Variants in PSMD11 observed in about 807,000 individuals in gnomAD.
PSMD11 encodes proteasome 26S subunit, non-ATPase 11.
In PSMD11, 5 loss-of-function variants were observed where a neutral mutation model predicts 62.3. The observed-to-expected ratio is 0.08, with a 90% CI of 0.04 to 0.17. The LOEUF (loss-of-function observed/expected upper bound fraction) is 0.17, where lower values mean the gene tolerates loss of function less well. Among genes scored for constraint, PSMD11 ranks in the 10% least tolerant of loss-of-function variants. The pLI is 1.00. For missense variants in PSMD11, 310 were observed against 512.9 expected (o/e 0.60, Z 3.82); for synonymous variants, 191 against 191.8 (o/e 1.00, Z 0.03).
chr17:32,479,929 G>T (rs763165117), intron 11 of PSMD11, 43 bp downstream of exon 11: 2 of 1,598,234 alleles, frequency 1.3e-6, no homozygotes, highest in East Asian at 4.5e-5. Context: ...ATGGGACGGG[G>T]TGGCGAGGAG....
In PSMD11 at chr17:32,468,910, T is replaced by A. The variant is rs1004380373; in HGVS notation, c.449-89T>A. ...GAGTTCAGGAATTTTTTTTTTTTTT[T>A]AATCCTGAGTGTTATGAGGGTGGGA... On this transcript the variant is annotated intron_variant, in intron 5 of 13. Transcript: ENST00000261712. The A allele has an allele frequency of 1.1e-4, 126 of 1,185,408 alleles. No individual in the cohort carries two copies. The African/African-American group carries it at 1.8e-3, about 17-fold the overall frequency. 73.4% of individuals were successfully genotyped at this position (1,185,408 alleles called of 1,614,324 possible). A position where few individuals can be genotyped will look rare whatever the true frequency, so the allele number is the denominator to read the frequency against.
At chr17:32,467,486 T>C (rs2150835953) in intron 5 of PSMD11, among the ~76,000 whole-genome samples, 1 of 152,324 alleles carries the variant, frequency 6.6e-6, no homozygotes, top group East Asian at 1.9e-4. Context: ...CCTCAGGTGA[T>C]GTGCCCGCCT....
Position 32,480,382 on chromosome 17 carries a change from T to G in PSMD11, c.1127-107T>G. On this transcript the variant is annotated intron_variant, in intron 12 of 13. Transcript: ENST00000261712. ...ATGGAATAGGGAGATGAATTCTATT[T>G]CCCTTCTTTTCTGGACACAGTGAGT... is the stretch of plus-strand genomic sequence containing the variant. The G allele has an allele frequency of 2.7e-6, 4 of 1,487,960 alleles. No individual in the cohort carries two copies. In the South Asian group the frequency reaches 3.5e-5, roughly 13 times the overall value. The allele number at this position is 1,487,960 out of a possible 1,614,324, so 92.2% of individuals were successfully genotyped here. A position where few individuals can be genotyped will look rare whatever the true frequency, so the allele number is the denominator to read the frequency against.
Position 32,480,821 on chromosome 17 carries a change from A to G in PSMD11, c.*69A>G. The stretch of plus-strand genomic sequence containing the variant: ...GAGTGAAACCTTGGGGGAAAATGCT[A>G]GGAGATTCTTTTTTCTTTTTGTTCT... On this transcript the variant is annotated 3_prime_UTR_variant, in exon 14 of 14. Coordinates refer to ENST00000261712, the MANE Select transcript of PSMD11 (RefSeq NM_002815.4). 1 of 572,156 alleles carries G rather than the reference A, an allele frequency of 1.7e-6. No individual in the cohort carries two copies. Among genetic ancestry groups the G allele is most frequent in the African/African-American group, 1.9e-5 (1 of 53,226 alleles). The allele number at this position is 572,156 out of a possible 1,614,324, so 35.4% of individuals were successfully genotyped here. A position where few individuals can be genotyped will look rare whatever the true frequency, so the allele number is the denominator to read the frequency against.
At chr17:32,469,318 C>T (rs1345552939) in intron 6 of PSMD11, 125 bp downstream of exon 6, 8 of 1,014,624 alleles carry the variant, frequency 7.9e-6, no homozygotes, top group Non-Finnish European at 1.1e-5. Flanking sequence ...CTTCAGAGAA[C>T]CAGTTAGAAA....
chr17:32,477,364 T>G (rs989405151), intron 8 of PSMD11, 157 bp from the exon 9 acceptor site: 4 of 525,932 alleles, frequency 7.6e-6, no homozygotes, highest in Non-Finnish European at 1.3e-5. Context: ...ATTCAGTACT[T>G]GCGGCTCTTC....
At chr17:32,479,930 T>G (rs1335089419) in intron 11 of PSMD11, 44 bp downstream of exon 11, 20 of 1,598,196 alleles carry the variant, frequency 1.3e-5, no homozygotes, top group Non-Finnish European at 1.7e-5. Context: ...TGGGACGGGG[T>G]GGCGAGGAGG....
intron 5 of PSMD11, 152 bp from the exon 6 acceptor site, chr17:32,468,847 A>T: frequency 1.7e-6 from 1 of 586,356 alleles, no homozygotes; most frequent in East Asian, 3.4e-5. Context: ...TTAGTGGAAA[A>T]TTTAATTATT....
At chr17:32,479,443 C>G in intron 10 of PSMD11, 67 bp downstream of exon 10, 1 of 1,581,282 alleles carries the variant, frequency 6.3e-7, no homozygotes, top group East Asian at 2.2e-5. Flanking sequence ...CCTTCCACAC[C>G]TGTCCAGAAT....
At chr17:32,455,799 A>G (rs1457137795) in intron 3 of PSMD11, among the ~76,000 whole-genome samples, 1 of 152,190 alleles carries the variant, frequency 6.6e-6, no homozygotes, top group Non-Finnish European at 1.5e-5. Context: ...AAAAATTAAA[A>G]GTTATTTAGG....
chr17:32,447,925 G>A (rs538216938), intron 2 of PSMD11, among the ~76,000 whole-genome samples: 94 of 151,222 alleles, frequency 6.2e-4, no homozygotes, highest in South Asian at 1.5e-3. Context: ...GTGTCACCCG[G>A]GTTGGAGTGC....
intron 3 of PSMD11, among the ~76,000 whole-genome samples, chr17:32,463,793 C>T (rs1260958489): frequency 6.6e-6 from 1 of 152,178 alleles, no homozygotes; most frequent in Non-Finnish European, 1.5e-5. Flanking sequence ...GGTCTCTCCT[C>T]AGTAGGTAGG....
At chr17:32,476,039 G>A (rs549802549) in intron 8 of PSMD11, among the ~76,000 whole-genome samples, 2 of 152,044 alleles carry the variant, frequency 1.3e-5, no homozygotes, top group African/African-American at 4.8e-5. Context: ...TGAGGTGGGC[G>A]GATCACTTGA....
intron 1 of PSMD11, 154 bp downstream of exon 1, chr17:32,444,768 C>T (rs1907274348): frequency 1.3e-6 from 1 of 797,200 alleles, no homozygotes; most frequent in African/African-American, 1.8e-5. Flanking sequence ...CTCGGAGCTC[C>T]CCAGAGCCTC....
At chr17:32,468,419 GATTT>G (rs150733381) in intron 5 of PSMD11, among the ~76,000 whole-genome samples, 14,801 of 152,152 alleles carry the variant, frequency 0.097, 960 homozygotes, top group Middle Eastern at 0.18. Flanking sequence ...AAGCCACAGG[GATTT>G]ATTTCTGTTT....
At position 32,462,200 on chromosome 17, in the gene PSMD11, C is replaced by G. The variant is rs986474584; in HGVS notation, c.319-1849C>G. Among the ~76,000 whole-genome samples the G allele has an allele frequency of 3.3e-5, 5 of 152,112 alleles. No homozygotes were observed. In the South Asian group the frequency reaches 6.2e-4, roughly 19 times the overall value. ...AAATAAAACTTACAGAGGAATATTT[C>G]TAAGTCCTAGGTATTCATTTTTGTG... On this transcript the variant is annotated intron_variant, in intron 3 of 13. Coordinates refer to ENST00000261712, the MANE Select transcript of PSMD11 (RefSeq NM_002815.4).
chr17:32,452,082 A>C (rs1266295917), intron 2 of PSMD11, among the ~76,000 whole-genome samples: 1 of 152,196 alleles, frequency 6.6e-6, no homozygotes, highest in Non-Finnish European at 1.5e-5. Context: ...AGGGGTCTGC[A>C]TGCCACCTGT....
At chr17:32,465,225 A>T (rs1184803114) in intron 5 of PSMD11, among the ~76,000 whole-genome samples, 1 of 152,016 alleles carries the variant, frequency 6.6e-6, no homozygotes. Flanking sequence ...GGTTCAAGCG[A>T]TTCTCCTGCT....
intron 9 of PSMD11, among the ~76,000 whole-genome samples, chr17:32,478,323 C>T (rs1255892028): frequency 6.6e-6 from 1 of 152,184 alleles, no homozygotes; most frequent in Non-Finnish European, 1.5e-5. Flanking sequence ...CACCATCTTC[C>T]TGGAGGGCTC....
Sources: gnomAD v4.1 joint callset for allele counts (sites outside exome capture counted in the v4.1 genomes callset) on GRCh38, gnomAD v4.1.1 for gene constraint, MANE v1.5 for transcripts, NCBI Gene and HGNC (gene_info 2026-07-23, HGNC 2026-07-21) for gene names.